The following SORBS2 variants were observed in gnomAD, a reference collection of about 807,000 sequenced individuals.
SORBS2 encodes the protein sorbin and SH3 domain-containing protein 2.
A neutral mutation model predicts 97.7 loss-of-function variants in SORBS2; 46 were observed. The ratio of observed to expected loss-of-function variants is 0.47; its 90% confidence interval spans 0.37 to 0.60. The LOEUF (loss-of-function observed/expected upper bound fraction) is 0.60, where lower values mean the gene tolerates loss of function less well. Ranked by LOEUF, SORBS2 falls within the 20% of genes least tolerant of loss-of-function variation. The pLI is 0.00. For missense variants in SORBS2, 1,316 were observed against 1,282.3 expected (o/e 1.03, Z -0.40); for synonymous variants, 476 against 473.4 (o/e 1.01, Z -0.07).
At chr4:185,912,480 G>A (rs775696130) in intron 1 of SORBS2, among the ~76,000 whole-genome samples, 13 of 150,058 alleles carry the variant, frequency 8.7e-5, no homozygotes, top group Non-Finnish European at 1.6e-4. Context: ...AGCTACTCAG[G>A]TGGCTGAGGC....
At chr4:185,799,183 A>G (rs2099119202) in intron 1 of SORBS2, among the ~76,000 whole-genome samples, 1 of 152,236 alleles carries the variant, frequency 6.6e-6, no homozygotes, top group Non-Finnish European at 1.5e-5. Flanking sequence ...ATTGGTAAGC[A>G]GAAGCTCTGG....
At chr4:185,802,903 A>T (rs1001161796) in intron 1 of SORBS2, among the ~76,000 whole-genome samples, 1 of 152,222 alleles carries the variant, frequency 6.6e-6, no homozygotes, top group African/African-American at 2.4e-5. Context: ...TGTTGACCAG[A>T]TAAAATACTC....
intron 4 of SORBS2, among the ~76,000 whole-genome samples, chr4:185,631,578 C>T (rs1025509791): frequency 7.9e-5 from 12 of 152,084 alleles, no homozygotes; most frequent in South Asian, 2.1e-4. Flanking sequence ...GCCTGACCAA[C>T]GTGGTGAAAC....
intron 1 of SORBS2, among the ~76,000 whole-genome samples, chr4:185,854,535 G>A (rs999087247): frequency 2.0e-5 from 3 of 152,142 alleles, no homozygotes; most frequent in African/African-American, 7.2e-5. Context: ...TCTTTCAGTC[G>A]CTTAGGGTAT....
At chr4:185,701,612 T>C (rs1280600566) in intron 2 of SORBS2, among the ~76,000 whole-genome samples, 1 of 152,088 alleles carries the variant, frequency 6.6e-6, no homozygotes, top group African/African-American at 2.4e-5. Flanking sequence ...TTGAGTGGAG[T>C]GATCGCTTTT....
intron 1 of SORBS2, among the ~76,000 whole-genome samples, chr4:185,922,356 G>C (rs2099261303): frequency 6.6e-6 from 1 of 152,180 alleles, no homozygotes; most frequent in Non-Finnish European, 1.5e-5. Context: ...ACACTGGGCA[G>C]AGCAGCCCTG....
At position 185,868,625 on chromosome 4, in the gene SORBS2, C is replaced by T. The variant is rs375159291; in HGVS notation, c.-338+87571G>A. Among the ~76,000 whole-genome samples the T allele has an allele frequency of 5.9e-5, 9 of 152,182 alleles. No homozygotes were observed. The East Asian group carries it at 1.6e-3, about 26-fold the overall frequency. On this transcript the variant is annotated intron_variant, in intron 1 of 20. Coordinates refer to the SORBS2 transcript ENST00000284776. ...TATCATGAGTGTTGGCTAAGCACCA[C>T]GTTTTTTGTGCCACCACCGGTTGTA...
intron 1 of SORBS2, among the ~76,000 whole-genome samples, chr4:185,949,613 T>TA (rs1412097130): frequency 6.6e-6 from 1 of 151,978 alleles, no homozygotes; most frequent in Admixed American, 6.6e-5. Context: ...GGAATAATGT[T>TA]AAAAAATTGA....
chr4:185,652,915 CAT>C (rs2097337935), intron 1 of SORBS2, among the ~76,000 whole-genome samples, 187 bp from the exon 10 acceptor site: 1 of 152,182 alleles, frequency 6.6e-6, no homozygotes. Flanking sequence ...AGTTTGTAAA[CAT>C]ATGGCCTTGT....
intron 1 of SORBS2, among the ~76,000 whole-genome samples, chr4:185,806,790 T>C (rs1355466591): frequency 1.3e-5 from 2 of 152,200 alleles, no homozygotes; most frequent in Admixed American, 6.5e-5. Context: ...TTTGTTGGAC[T>C]CCTTGCGGCT....
At chr4:185,624,421 T>C in exon 7 of SORBS2, 1 of 1,614,122 alleles carries the variant, frequency 6.2e-7, no homozygotes, top group Non-Finnish European at 8.5e-7. Flanking sequence ...TACAGTAATC[T>C]AACTCACTGG....
chr4:185,689,976 A>T (rs2098060950), intron 2 of SORBS2, among the ~76,000 whole-genome samples: 1 of 152,224 alleles, frequency 6.6e-6, no homozygotes, highest in Non-Finnish European at 1.5e-5. Context: ...AAAAGTTCAT[A>T]TGTACAAAGC....
intron 1 of SORBS2, among the ~76,000 whole-genome samples, chr4:185,839,336 G>C (rs1017010905): frequency 6.6e-6 from 1 of 152,200 alleles, no homozygotes; most frequent in African/African-American, 2.4e-5. Flanking sequence ...TGAGTCATTA[G>C]ACCAGGACTG....
exon 15 of SORBS2, chr4:185,587,456 C>T: frequency 1.6e-6 from 1 of 624,740 alleles, no homozygotes; most frequent in East Asian, 2.8e-5. Flanking sequence ...ATGTCGTCCC[C>T]AGGCTCACAG....
chr4:185,861,907 T>C (rs1474242779), intron 1 of SORBS2, among the ~76,000 whole-genome samples: 1 of 152,146 alleles, frequency 6.6e-6, no homozygotes, highest in African/African-American at 2.4e-5. Flanking sequence ...CTGACTTCTA[T>C]TTTATAGACA....
chr4:185,646,677 A>G (rs1173490832), exon 4 of SORBS2: 5 of 1,607,582 alleles, frequency 3.1e-6, no homozygotes, highest in Non-Finnish European at 4.3e-6. Context: ...CTGGTCTTTC[A>G]TGCTGAAGAA....
intron 2 of SORBS2, among the ~76,000 whole-genome samples, chr4:185,701,022 T>C (rs768587411): frequency 3.3e-5 from 5 of 152,212 alleles, no homozygotes; most frequent in Non-Finnish European, 7.3e-5. Flanking sequence ...TGTTTCATAA[T>C]ACTCTAACTT....
At chr4:185,939,998 A>G (rs1214361529) in intron 1 of SORBS2, among the ~76,000 whole-genome samples, 1 of 152,012 alleles carries the variant, frequency 6.6e-6, no homozygotes, top group Non-Finnish European at 1.5e-5. Context: ...GATGAGCCGC[A>G]CCCTCTTGAA....
chr4:185,712,497 A>C (rs1180194737), intron 2 of SORBS2, among the ~76,000 whole-genome samples: 1 of 152,262 alleles, frequency 6.6e-6, no homozygotes, highest in African/African-American at 2.4e-5. Context: ...GTGCAAATAT[A>C]AAAGGCTGTC....
Sources: gnomAD v4.1 joint callset for allele counts (sites outside exome capture counted in the v4.1 genomes callset) on GRCh38, gnomAD v4.1.1 for gene constraint, MANE v1.5 for transcripts, NCBI Gene and HGNC (gene_info 2026-07-23, HGNC 2026-07-21) for gene names.